Variants in EI24 observed in about 807,000 individuals in gnomAD.
The protein encoded by EI24 is EI24 autophagy associated transmembrane protein.
Under a neutral mutation model 48.6 loss-of-function variants are expected in EI24, and 21 were observed. That is an observed-to-expected ratio of 0.43 (90% CI 0.31 to 0.62). The LOEUF (loss-of-function observed/expected upper bound fraction) is 0.62, where lower values mean the gene tolerates loss of function less well. Ranked by LOEUF, EI24 falls within the 20% of genes least tolerant of loss-of-function variation. The pLI is 0.10. For missense variants in EI24, 280 were observed against 410.5 expected (o/e 0.68, Z 2.75); for synonymous variants, 114 against 145.5 (o/e 0.78, Z 1.56).
chr11:125,581,217 A>G lies in EI24; in HGVS notation c.680A>G (p.Glu227Gly). The change falls in exon 9 of 11, where the codon GAA becomes GGA. Residue 227 changes from glutamate (E) to glycine (G), a missense_variant. By Grantham distance (98) the Glu-to-Gly change is moderately conservative (BLOSUM62 -2). This residue lies in a region of EI24 where 204 missense variants were observed against 294.1 expected (regional missense o/e 0.69). Transcript: ENST00000278903. Reference protein sequence around the residue: ...FEYRWFNKGIEMHQRLSNIER... With the variant: ...FEYRWFNKGIGMHQRLSNIER... ...ATTGGCTTTCTTGTTTTAGGAATTG[A>G]AATGCACCAGCGGTTGTCTAACATA... 1 of 1,609,374 alleles carries G rather than the reference A, an allele frequency of 6.2e-7. No individual in the cohort carries two copies. Among genetic ancestry groups the G allele is most frequent in the Admixed American group, 1.7e-5 (1 of 59,880 alleles).
intron 3 of EI24, chr11:125,575,843 C>T (rs1439442326): frequency 5.4e-6 from 2 of 370,476 alleles, no homozygotes; most frequent in Admixed American, 3.0e-5. Flanking sequence ...CCTGAGATTG[C>T]CGTGGTGCAA....
At chr11:125,569,596 T>C (rs11220131) in intron 1 of EI24, 23 bp downstream of exon 1, 125,173 of 364,350 alleles carry the variant, frequency 0.34, 21,903 homozygotes, top group Middle Eastern at 0.4. Flanking sequence ...TCAGCCGAGC[T>C]AGGCCTCGGG....
chr11:125,572,827 CT>C (rs35464386), intron 2 of EI24, among the ~76,000 whole-genome samples: 2,167 of 105,388 alleles, frequency 0.021, 21 homozygotes, highest in Middle Eastern at 0.032. Flanking sequence ...GGCTTCAGAG[CT>C]TTTTTTTTTT....
intron 5 of EI24, 184 bp downstream of exon 5, chr11:125,577,754 T>C: frequency 1.7e-6 from 1 of 584,386 alleles, no homozygotes. Flanking sequence ...TAAGAATGGG[T>C]ACTGTTGTTC....
In EI24 at chr11:125,572,503, T is replaced by C. The variant is rs1395712355; in HGVS notation, c.-25T>C. On this transcript the variant is annotated 5_prime_UTR_variant, in exon 2 of 11. Transcript: ENST00000278903. The stretch of plus-strand genomic sequence containing the variant: ...TGGGGACACTTCTCTCTCCTGTGTG[T>C]AGTTGATAGTTTGGTGGTGAAGAGA... 1.2e-6 allele frequency: 2 copies of C among 1,612,328 alleles called. No individual in the cohort carries two copies. The highest frequency in any genetic ancestry group is 3.3e-5 in the Admixed American group (2 of 59,996).
In EI24 at chr11:125,583,847, T is replaced by TG. The variant is rs1003701961; in HGVS notation, c.*164_*165insG. ...TTGAAATTTTTGTCTCTGGTGCACG[T>TG]AAGGCAGAATGTTCCCTGACACCAG... is the stretch of plus-strand genomic sequence containing the variant. On this transcript the variant is annotated 3_prime_UTR_variant, in exon 11 of 11. Transcript: ENST00000278903. The TG allele has an allele frequency of 1.2e-6, 1 of 858,288 alleles. No homozygotes were observed. The highest frequency in any genetic ancestry group is 1.7e-5 in the African/African-American group (1 of 59,096). The allele number at this position is 858,288 out of a possible 1,614,324, so 53.2% of individuals were successfully genotyped here.
chr11:125,583,722 A>G lies in EI24; in HGVS notation c.*39A>G, dbSNP rs1565334370. ...CAAAGGGGATGGGCGGGATTGGAAG[A>G]AGCTGTGGCAGCTCTTTTCCCTGTT... On this transcript the variant is annotated 3_prime_UTR_variant, in exon 11 of 11. Coordinates refer to ENST00000278903, the MANE Select transcript of EI24 (RefSeq NM_004879.5). 4 of 1,593,376 alleles carry G rather than the reference A, an allele frequency of 2.5e-6. No homozygotes were observed. The highest frequency in any genetic ancestry group is 3.4e-6 in the Non-Finnish European group (4 of 1,169,604).
At chr11:125,580,247 G>T in intron 8 of EI24, 43 bp downstream of exon 8, 1 of 1,410,106 alleles carries the variant, frequency 7.1e-7, no homozygotes, top group South Asian at 1.2e-5. Flanking sequence ...GGCCCAGTTT[G>T]GAAATGCTAC....
Position 125,576,263 on chromosome 11 carries a change from G to A in EI24, c.197G>A (p.Arg66His), listed in dbSNP as rs555329927. 16 of 1,613,758 alleles carry A rather than the reference G, an allele frequency of 9.9e-6. No individual in the cohort carries two copies. The Admixed American group carries it at 1.7e-4, about 17-fold the overall frequency. Residue 66 changes from arginine (R) to histidine (H), a missense_variant, in exon 4 of 11, where the codon CGT (arginine) becomes CAT (histidine). Around this residue, in one of 3 missense-constraint regions of EI24, gnomAD observed 204 missense variants for 294.1 expected, o/e 0.69. Transcript: ENST00000278903. ...CATGTGATCTTTTCCAGTGAGCCACGTATTGTTAGTAGAATTTTCCAGTGT... is the reference window on the plus strand; with the variant it reads ...CATGTGATCTTTTCCAGTGAGCCACATATTGTTAGTAGAATTTTCCAGTGT... ...SIERKQESEP[R>H]IVSRIFQCCA...
intron 7 of EI24, among the ~76,000 whole-genome samples, chr11:125,579,622 G>A (rs1016157279): frequency 3.9e-5 from 6 of 152,048 alleles, no homozygotes; most frequent in African/African-American, 9.7e-5. Context: ...AGCCGAGATC[G>A]CGCCATTGCA....
chr11:125,574,243 ACT>A (rs1240138280), intron 2 of EI24, among the ~76,000 whole-genome samples: 3 of 150,130 alleles, frequency 2.0e-5, no homozygotes, highest in East Asian at 2.0e-4. Context: ...ACAGAGTAAG[ACT>A]CTGTTTAAAA....
chr11:125,577,453 C>T (rs369344296), intron 4 of EI24, 51 bp from the exon 5 acceptor site: 2 of 1,529,070 alleles, frequency 1.3e-6, no homozygotes, highest in Non-Finnish European at 1.8e-6. Flanking sequence ...ATTGAAGCTC[C>T]TGTTTTAAAG....
chr11:125,569,685 C>T (rs1000003307), intron 1 of EI24, 112 bp downstream of exon 1: 2 of 317,874 alleles, frequency 6.3e-6, no homozygotes, highest in Non-Finnish European at 1.1e-5. Context: ...GGGCTACCGG[C>T]GAGGACCCCT....
At chr11:125,578,811 A>G in intron 6 of EI24, 138 bp from the exon 7 acceptor site, 1 of 1,049,688 alleles carries the variant, frequency 9.5e-7, no homozygotes, top group Non-Finnish European at 1.3e-6. Context: ...GACTATAGGC[A>G]CATGCCATCG....
intron 4 of EI24, 88 bp from the exon 5 acceptor site, chr11:125,577,416 C>G (rs1425036571): frequency 6.1e-6 from 8 of 1,305,866 alleles, no homozygotes; most frequent in East Asian, 2.3e-5. Flanking sequence ...AAAAGTCACT[C>G]CCATCTATAA....
chr11:125,582,169 G>A (rs1428749576), intron 9 of EI24, among the ~76,000 whole-genome samples, 177 bp from the exon 10 acceptor site: 3 of 151,876 alleles, frequency 2.0e-5, no homozygotes, highest in Admixed American at 6.6e-5. Flanking sequence ...CTGTACTCCA[G>A]CCTGGGCGAC....
In EI24 at chr11:125,575,252, C is replaced by T. The variant is rs1466459265; in HGVS notation, c.43-11C>T. The T allele has an allele frequency of 3.9e-6, 6 of 1,534,698 alleles. No homozygotes were observed. Among genetic ancestry groups the T allele is most frequent in the Non-Finnish European group, 5.3e-6 (6 of 1,136,214 alleles). On this transcript the variant is annotated splice_polypyrimidine_tract_variant and intron_variant, in intron 2 of 10. Coordinates refer to ENST00000278903, the MANE Select transcript of EI24 (RefSeq NM_004879.5). ...AAATAATAATAATAATAATGATAGC[C>T]TTTTCTATAGGGAATCAAAGACTCC...
chr11:125,583,336 G>A (rs1166478726), intron 10 of EI24, among the ~76,000 whole-genome samples, 185 bp from the exon 11 acceptor site: 1 of 152,138 alleles, frequency 6.6e-6, no homozygotes, highest in South Asian at 2.1e-4. Context: ...GAGGCACCAC[G>A]CCCGGCTCCA....
intron 6 of EI24, 104 bp from the exon 7 acceptor site, chr11:125,578,845 C>CT: frequency 7.5e-7 from 1 of 1,337,872 alleles, no homozygotes; most frequent in South Asian, 1.4e-5. Context: ...TTTAAATAAG[C>CT]CTTTTCTTAA....
Sources: gnomAD v4.1 joint callset for allele counts (sites outside exome capture counted in the v4.1 genomes callset) on GRCh38, gnomAD v4.1.1 for gene constraint, gnomAD v4.1.1 regional missense constraint, MANE v1.5 for transcripts, NCBI Gene and HGNC (gene_info 2026-07-23, HGNC 2026-07-21) for gene names.